THUMPD2: variants seen among roughly 807,000 people sequenced by gnomAD.
THUMPD2 encodes the protein THUMP domain 2 tRNA and snRNA guanosine methyltransferase.
THUMPD2 carries 56 observed loss-of-function variants against 49.4 expected under a neutral mutation model. That is an observed-to-expected ratio of 1.13 (90% CI 0.91 to 1.41). The LOEUF is 1.41. Ranked by LOEUF, THUMPD2 falls within the 40% of genes most tolerant of loss-of-function variation. THUMPD2 has a pLI of 0.00. For missense variants in THUMPD2, 709 were observed against 594.5 expected, an observed-to-expected ratio of 1.19 and a Z score of -2.00; for synonymous variants, 237 against 205.2, an observed-to-expected ratio of 1.15 and a Z score of -1.32.
At chr2:39,754,995 A>T (rs1272097178) in intron 8 of THUMPD2, among the ~76,000 whole-genome samples, 10 of 152,082 alleles carry the variant, frequency 6.6e-5, no homozygotes, top group Admixed American at 5.2e-4. Context: ...ATTTTAAACG[A>T]TCACTGGTTC....
At chr2:39,753,624 C>T (rs1182149421) in intron 8 of THUMPD2, among the ~76,000 whole-genome samples, 1 of 152,186 alleles carries the variant, frequency 6.6e-6, no homozygotes, top group African/African-American at 2.4e-5. Context: ...ACTTGATCCA[C>T]CATCCGTCTT....
intron 8 of THUMPD2, among the ~76,000 whole-genome samples, chr2:39,754,490 C>T (rs1237461595): frequency 2.0e-5 from 3 of 152,116 alleles, no homozygotes; most frequent in Non-Finnish European, 4.4e-5. Flanking sequence ...GTATTTTATT[C>T]CTCCTGATTA....
chr2:39,751,681 A>ATTT (rs11284104), intron 8 of THUMPD2, among the ~76,000 whole-genome samples: 2,346 of 119,892 alleles, frequency 0.02, 99 homozygotes, highest in African/African-American at 0.043. Flanking sequence ...ATATTAAAAG[A>ATTT]TTTTTTTTTT....
intron 6 of THUMPD2, among the ~76,000 whole-genome samples, chr2:39,756,472 CAA>C (rs11311927): frequency 3.3e-4 from 34 of 102,002 alleles, no homozygotes; most frequent in African/African-American, 4.9e-4. Flanking sequence ...GACTCCATCT[CAA>C]AAAAAAAAAA....
chr2:39,762,688 C>G (rs908403784), intron 5 of THUMPD2, among the ~76,000 whole-genome samples: 3 of 151,098 alleles, frequency 2.0e-5, no homozygotes, highest in African/African-American at 7.3e-5. Flanking sequence ...TAGCAATTAT[C>G]TTGCTATAAA....
rs1005603520 is a variant in THUMPD2 at position 39,746,858 on chromosome 2, T to C, written c.1079-2380A>G. Among the ~76,000 whole-genome samples, 5 of 151,638 alleles carry C rather than the reference T, an allele frequency of 3.3e-5. No individual in the cohort carries two copies. In the South Asian group the frequency reaches 6.2e-4, roughly 19 times the overall value. ...GAGCACTTTTATAAAACTGAACATA[T>C]CCTTCTTCCTATTTTTGTTCCTTGT... On this transcript the variant is annotated intron_variant, in intron 8 of 9. Coordinates refer to ENST00000505747, the MANE Select transcript of THUMPD2 (RefSeq NM_025264.5).
intron 1 of THUMPD2, among the ~76,000 whole-genome samples, chr2:39,777,794 T>C (rs187682943): frequency 4.9e-4 from 75 of 152,386 alleles, no homozygotes; most frequent in African/African-American, 1.7e-3. Context: ...AATTGAATTT[T>C]CTTCCTGGTA....
chr2:39,763,745 C>G (rs1010796311), intron 5 of THUMPD2, among the ~76,000 whole-genome samples: 3 of 152,070 alleles, frequency 2.0e-5, no homozygotes, highest in African/African-American at 7.2e-5. Flanking sequence ...GCTTCAAATT[C>G]TTATTGCTTT....
intron 8 of THUMPD2, chr2:39,744,691 G>A (rs1558491527): frequency 6.1e-6 from 2 of 330,432 alleles, no homozygotes; most frequent in Non-Finnish European, 1.1e-5. Flanking sequence ...TTGAAAATTG[G>A]TTTTTCAGAT....
At position 39,779,217 on chromosome 2, in the gene THUMPD2, G is replaced by A. The variant is rs1312505989; in HGVS notation, c.23C>T (p.Pro8Leu). The A allele has an allele frequency of 6.7e-6, 10 of 1,502,508 alleles. No individual in the cohort carries two copies. The highest frequency in any genetic ancestry group is 3.9e-4 in the Middle Eastern group (2 of 5,142). The allele number at this position is 1,502,508 out of a possible 1,614,324, so 93.1% of individuals were successfully genotyped here. The change falls in exon 1 of 10, where the codon CCA becomes CTA. Residue 8 changes from proline (P) to leucine (L), a missense_variant. By Grantham distance (98) the Pro-to-Leu change is moderately conservative. Coordinates refer to ENST00000505747, the MANE Select transcript of THUMPD2 (RefSeq NM_025264.5). The part of the protein sequence containing the change: MSEARGE[P>L]GSGPEAGARF... ...GGCGCCAGCCTCAGGCCCGGACCCT[G>A]GCTCTCCACGCGCCTCCGACATGGC...
At chr2:39,775,319 T>C (rs1327961861) in intron 1 of THUMPD2, among the ~76,000 whole-genome samples, 1 of 152,160 alleles carries the variant, frequency 6.6e-6, no homozygotes, top group Non-Finnish European at 1.5e-5. Context: ...AAACACATCA[T>C]GATATAGGGA....
chr2:39,775,229 T>G (rs1201113749), intron 1 of THUMPD2, among the ~76,000 whole-genome samples: 1 of 152,166 alleles, frequency 6.6e-6, no homozygotes, highest in Non-Finnish European at 1.5e-5. Context: ...CAGTGATCTG[T>G]GATCACGCCA....
At chr2:39,773,990 T>C (rs544974719) in intron 1 of THUMPD2, among the ~76,000 whole-genome samples, 29 of 152,402 alleles carry the variant, frequency 1.9e-4, no homozygotes, top group African/African-American at 6.7e-4. Context: ...AGGGCTACTG[T>C]CTGGGTGAAC....
chr2:39,754,956 A>G (rs1022314511), intron 8 of THUMPD2, among the ~76,000 whole-genome samples: 3 of 152,328 alleles, frequency 2.0e-5, no homozygotes, highest in African/African-American at 7.2e-5. Flanking sequence ...AATTCAAAGA[A>G]TTATTATTAC....
At chr2:39,756,943 G>A (rs1158949474) in intron 6 of THUMPD2, among the ~76,000 whole-genome samples, 1 of 121,388 alleles carries the variant, frequency 8.2e-6, no homozygotes, top group Non-Finnish European at 1.7e-5. Context: ...ATAATAAATG[G>A]TATTGGAGAA....
intron 8 of THUMPD2, among the ~76,000 whole-genome samples, chr2:39,753,521 C>G (rs1414930664): frequency 6.6e-6 from 1 of 152,104 alleles, no homozygotes. Flanking sequence ...ACTGGTGATC[C>G]CCTAAACTCC....
In THUMPD2 at chr2:39,769,547, C is replaced by A. The variant is rs1312074914; in HGVS notation, c.672+163G>T. The A allele has an allele frequency of 8.3e-6, 5 of 602,476 alleles. No individual in the cohort carries two copies. The Admixed American group carries it at 1.5e-4, about 18-fold the overall frequency. 37.3% of individuals were successfully genotyped at this position (602,476 alleles called of 1,614,324 possible). A position where few individuals can be genotyped will look rare whatever the true frequency, so the allele number is the denominator to read the frequency against. On this transcript the variant is annotated intron_variant, in intron 3 of 9. Transcript: ENST00000505747. ...TGAAACCCTGTCTCTACTAAAAATACAAAAATTAGCTGGGTGTGGTGACGC... is the reference window on the plus strand; with the variant it reads ...TGAAACCCTGTCTCTACTAAAAATAAAAAAATTAGCTGGGTGTGGTGACGC...
At chr2:39,738,425 G>A (rs1673434301) in intron 9 of THUMPD2, among the ~76,000 whole-genome samples, 2 of 151,906 alleles carry the variant, frequency 1.3e-5, no homozygotes, top group African/African-American at 4.8e-5. Context: ...TCAGCCAGGT[G>A]TGGTGGCGTG....
chr2:39,768,450 C>T lies in THUMPD2; in HGVS notation c.724G>A (p.Ala242Thr), dbSNP rs1677849550. ...TCTAATTGTGGATTCCTCAAGTCTG[C>T]TTTCCATCCAAAGTGTTTCATAATA... ...IAIMKHFGWK[A>T]DLRNPQLEIF... The change falls in exon 4 of 10, where the codon GCA becomes ACA. Residue 242 changes from alanine to threonine, a missense_variant. Ala to Thr is a moderately conservative substitution (Grantham distance 58). Transcript: ENST00000505747. 32 of 1,612,974 alleles carry T rather than the reference C, an allele frequency of 2.0e-5. No individual in the cohort carries two copies. The highest frequency in any genetic ancestry group is 2.7e-5 in the Non-Finnish European group (32 of 1,179,580).
Sources: allele counts gnomAD v4.1 joint callset (sites outside exome capture counted in the v4.1 genomes callset), GRCh38; gene constraint gnomAD v4.1.1; transcripts MANE v1.5; gene names NCBI Gene and HGNC (gene_info 2026-07-23, HGNC 2026-07-21).